The following MBTPS2 variants were observed in gnomAD, a reference collection of about 807,000 sequenced individuals.
MBTPS2 encodes membrane bound transcription factor peptidase, site 2.
In MBTPS2, 2 loss-of-function variants were observed where a neutral mutation model predicts 35.4. That is an observed-to-expected ratio of 0.06 (90% CI 0.02 to 0.18). The LOEUF (loss-of-function observed/expected upper bound fraction) is 0.18, where lower values mean the gene tolerates loss of function less well. MBTPS2 is among the 10% of genes least tolerant of loss of function. MBTPS2 has a pLI of 1.00. For missense variants in MBTPS2, 244 were observed against 386.5 expected (o/e 0.63, Z 3.09); for synonymous variants, 125 against 140.4 (o/e 0.89, Z 0.77).
At chrX:21,854,598 A>G (rs916587117) in intron 5 of MBTPS2, among the ~76,000 whole-genome samples, 5 of 112,455 alleles carry the variant, frequency 4.4e-5, no homozygotes, top group African/African-American at 1.6e-4. Flanking sequence ...AATATAAGCC[A>G]CAATGAAAAT....
rs1336907853 is a variant in MBTPS2 at position 21,872,066 on chromosome X, G to A, written c.970+2388G>A. ...TTATAAATTTTCCCCATTCTCAGGA[G>A]CCTCTTACCATCTTCCAAAACTTTT... is the stretch of plus-strand genomic sequence containing the variant. On this transcript the variant is annotated intron_variant, in intron 7 of 10. Transcript: ENST00000379484. 5 of 111,212 alleles carry A rather than the reference G, an allele frequency of 4.5e-5. No homozygotes were observed. The South Asian group carries it at 1.9e-3, about 42-fold the overall frequency. The allele number at this position is 111,212 out of a possible 1,213,427, so 9.2% of individuals were successfully genotyped here.
At chrX:21,859,122 G>A (rs906042579) in intron 5 of MBTPS2, among the ~76,000 whole-genome samples, 1 of 110,964 alleles carries the variant, frequency 9.0e-6, no homozygotes, top group Non-Finnish European at 1.9e-5. Flanking sequence ...TGTTTAAAAT[G>A]GGACTTTTCA....
rs755367889 is a variant in MBTPS2 at position 21,851,493 on chromosome X, TTG to T, written c.439-12_439-11del. 4.6e-6 allele frequency: 5 copies of T among 1,097,813 alleles called. No individual in the cohort carries two copies. Among genetic ancestry groups the T allele is most frequent in the Non-Finnish European group, 6.3e-6 (5 of 793,330 alleles). 90.5% of individuals were successfully genotyped at this position (1,097,813 alleles called of 1,213,427 possible). A position where few individuals can be genotyped will look rare whatever the true frequency, so the allele number is the denominator to read the frequency against. On this transcript the variant is annotated splice_polypyrimidine_tract_variant and intron_variant, in intron 3 of 10. Coordinates refer to ENST00000379484, the MANE Select transcript of MBTPS2 (RefSeq NM_015884.4). ...ACCCCCACTGATAATTGCTGCCATA[TTG>T]TGTCTATGAACAGGTTCCTGGTATA...
chrX:21,856,339 CG>C (rs1229298071), intron 5 of MBTPS2: 44 of 522,899 alleles, frequency 8.4e-5, no homozygotes, highest in Admixed American at 3.2e-4. Flanking sequence ...CTGCAGCTCG[CG>C]CCTTTCTCTG....
intron 5 of MBTPS2, chrX:21,856,001 A>T (rs780890769): frequency 1.7e-5 from 2 of 119,700 alleles, no homozygotes; most frequent in South Asian, 6.8e-4. Flanking sequence ...AATAAGAGAA[A>T]AAAGCATAAA....
Position 21,839,694 on chromosome X carries a change from A to ACGC in MBTPS2, c.-38_-36dup, listed in dbSNP as rs2092900488. The ACGC allele has an allele frequency of 8.7e-7, 1 of 1,152,290 alleles. No homozygotes were observed. The highest frequency in any genetic ancestry group is 1.8e-5 in the African/African-American group (1 of 55,386). The allele number at this position is 1,152,290 out of a possible 1,213,427, so 95.0% of individuals were successfully genotyped here. ...AGCTGTTGGCGGTGCAGGGAGGAGG[A>ACGC]CGCCGGGGCTCGCCTTCCCTCCTCT... On this transcript the variant is annotated 5_prime_UTR_variant, in exon 1 of 11. Coordinates refer to ENST00000379484, the MANE Select transcript of MBTPS2 (RefSeq NM_015884.4).
At position 21,841,223 on chromosome X, in the gene MBTPS2, C is replaced by A. The variant is rs183001388; in HGVS notation, c.75+1414C>A. On this transcript the variant is annotated intron_variant, in intron 1 of 10. Transcript: ENST00000379484. ...ATTGCCTGAGTCCAGGAGTTTGAGA[C>A]CAGCCTGGGCAATATAGTGAGACTT... Among the ~76,000 whole-genome samples the A allele has an allele frequency of 2.7e-3, 300 of 111,441 alleles. 2 individuals are homozygous for A. Among genetic ancestry groups the A allele is most frequent in the African/African-American group, 9.2e-3 (282 of 30,634 alleles).
At chrX:21,844,333 C>T (rs1217348458) in intron 2 of MBTPS2, among the ~76,000 whole-genome samples, 2 of 109,588 alleles carry the variant, frequency 1.8e-5, no homozygotes, top group Non-Finnish European at 3.8e-5. Flanking sequence ...GGTAACATGG[C>T]GAAACCCCAT....
chrX:21,850,883 TA>T (rs2092914022), intron 3 of MBTPS2, among the ~76,000 whole-genome samples: 1 of 111,633 alleles, frequency 9.0e-6, no homozygotes, highest in Non-Finnish European at 1.9e-5. Flanking sequence ...TCTTCCACAC[TA>T]TTTTTCTGAC....
chrX:21,879,052 T>C (rs891074151), intron 9 of MBTPS2, among the ~76,000 whole-genome samples: 3 of 110,991 alleles, frequency 2.7e-5, no homozygotes, highest in Non-Finnish European at 5.7e-5. Flanking sequence ...AATGCCAGGA[T>C]GCATGGGGAT....
intron 5 of MBTPS2, among the ~76,000 whole-genome samples, chrX:21,859,463 AT>A (rs1310591661): frequency 1.0e-5 from 1 of 97,755 alleles, no homozygotes; most frequent in Non-Finnish European, 2.0e-5. Flanking sequence ...GTTTAAACCT[AT>A]TTTAGTCATT....
intron 1 of MBTPS2, among the ~76,000 whole-genome samples, chrX:21,842,431 G>C (rs1177011518): frequency 9.1e-6 from 1 of 110,397 alleles, no homozygotes; most frequent in Admixed American, 9.7e-5. Context: ...GGATTGGTAG[G>C]GTTTTTTTTT....
At chrX:21,882,373 T>C (rs2092960406) in intron 10 of MBTPS2, 60 bp from the exon 11 acceptor site, 2 of 865,337 alleles carry the variant, frequency 2.3e-6, no homozygotes, top group African/African-American at 3.9e-5. Context: ...TTCTGACTCA[T>C]AGAAATATGG....
rs3054229 is a variant in MBTPS2, at chrX:21,874,001, G to GTATATA, written c.971-4028_971-4023dup. Reference sequence around the variant, plus strand: ...TCTGTGTGTGTGTGTGTGTGTGTGTGTATATATATATATATATACTTTTTT... The same window carrying GTATATA: ...TCTGTGTGTGTGTGTGTGTGTGTGTGTATATATATATATATATATATATACTTTTTT... On this transcript the variant is annotated intron_variant, in intron 7 of 10. Coordinates refer to ENST00000379484, the MANE Select transcript of MBTPS2 (RefSeq NM_015884.4). 3.9e-3 allele frequency among the ~76,000 whole-genome samples: 240 copies of GTATATA among 60,826 alleles called. 6 individuals carry two copies. Among genetic ancestry groups the GTATATA allele is most frequent in the Admixed American group, 0.027 (108 of 3,941 alleles). The allele number at this position is 60,826 out of a possible 115,157, so 52.8% of individuals were successfully genotyped here.
At chrX:21,881,851 G>A (rs543952568) in intron 10 of MBTPS2, among the ~76,000 whole-genome samples, 6 of 110,912 alleles carry the variant, frequency 5.4e-5, no homozygotes, top group South Asian at 3.8e-4. Flanking sequence ...CAGGAGAATC[G>A]CTTGAACCCG....
chrX:21,873,369 T>C (rs2092949360), intron 7 of MBTPS2, among the ~76,000 whole-genome samples: 2 of 112,390 alleles, frequency 1.8e-5, no homozygotes, highest in South Asian at 7.3e-4. Flanking sequence ...CACTCAGTGA[T>C]TTAAATAGAA....
rs147383940 is a variant in MBTPS2, at chrX:21,869,159, C to T, written c.790-339C>T. 5.5e-3 allele frequency among the ~76,000 whole-genome samples: 620 copies of T among 111,832 alleles called. 2 individuals are homozygous for T. Among genetic ancestry groups the T allele is most frequent in the African/African-American group, 0.019 (591 of 30,799 alleles). ...AAAGGATGTGTCTTATTGTTTTATG[C>T]GTTAAGGATATAGGAAAGGCAAGAC... On this transcript the variant is annotated intron_variant, in intron 6 of 10. Coordinates refer to ENST00000379484, the MANE Select transcript of MBTPS2 (RefSeq NM_015884.4).
In MBTPS2 at chrX:21,839,763, T is replaced by TG. The variant is rs1430108058; in HGVS notation, c.31dup (p.Val11GlyfsTer21). On this transcript the variant is annotated frameshift_variant, in exon 1 of 11. Coordinates refer to ENST00000379484, the MANE Select transcript of MBTPS2 (RefSeq NM_015884.4). LOFTEE classifies it high-confidence loss of function. ...ATTCCGGTGTCGCTGGTGGTGGTGG[T>TG]GGTGGGTGGCTGGACTGTCGTCTAC... 2 of 1,193,514 alleles carry TG rather than the reference T, an allele frequency of 1.7e-6. No individual in the cohort carries two copies. The highest frequency in any genetic ancestry group is 2.3e-5 in the Admixed American group (1 of 43,517).
chrX:21,875,154 C>A (rs2092951667), intron 7 of MBTPS2, among the ~76,000 whole-genome samples: 1 of 112,270 alleles, frequency 8.9e-6, no homozygotes, highest in South Asian at 3.7e-4. Flanking sequence ...GAAGAAAAAA[C>A]CAGAGATCAC....
Sources: allele counts gnomAD v4.1 joint callset (sites outside exome capture counted in the v4.1 genomes callset), GRCh38; gene constraint gnomAD v4.1.1; transcripts MANE v1.5; gene names NCBI Gene and HGNC (gene_info 2026-07-23, HGNC 2026-07-21).